The following RHOT1 variants were observed in gnomAD, a reference collection of about 807,000 sequenced individuals.
RHOT1 encodes mitochondrial Rho GTPase 1.
RHOT1 carries 27 observed loss-of-function variants against 95.3 expected under a neutral mutation model. That is an observed-to-expected ratio of 0.28 (90% confidence interval 0.21 to 0.39). RHOT1 has a LOEUF of 0.39. Ranked by LOEUF, RHOT1 falls within the 10% of genes least tolerant of loss-of-function variation. The pLI, the probability that RHOT1 is intolerant of heterozygous loss-of-function variation, is 1.00. For missense variants in RHOT1, 578 were observed against 786.7 expected (o/e 0.73, Z 3.17); for synonymous variants, 227 against 263.5 (o/e 0.86, Z 1.34).
At chr17:32,166,312 T>C (rs1015142542) in intron 1 of RHOT1, among the ~76,000 whole-genome samples, 3 of 152,144 alleles carry the variant, frequency 2.0e-5, no homozygotes, top group Non-Finnish European at 4.4e-5. Context: ...CTAATGATCA[T>C]CTGAGCCTTC....
At chr17:32,146,602 C>A (rs932956687) in intron 1 of RHOT1, among the ~76,000 whole-genome samples, 1 of 148,966 alleles carries the variant, frequency 6.7e-6, no homozygotes, top group Non-Finnish European at 1.5e-5. Flanking sequence ...CCCACCACCA[C>A]GCCCGGCTAA....
chr17:32,161,188 A>G (rs1239205536), intron 1 of RHOT1, among the ~76,000 whole-genome samples: 1 of 152,112 alleles, frequency 6.6e-6, no homozygotes, highest in East Asian at 1.9e-4. Context: ...TTTTTCAAGG[A>G]TAGTTTGGTG....
intron 8 of RHOT1, among the ~76,000 whole-genome samples, chr17:32,190,768 A>G (rs1002415930): frequency 6.6e-6 from 1 of 152,176 alleles, no homozygotes. Context: ...TAGTCCATTT[A>G]GTACTCTTTT....
intron 8 of RHOT1, 105 bp from the exon 9 acceptor site, chr17:32,192,096 A>G: frequency 1.6e-5 from 10 of 642,422 alleles, no homozygotes; most frequent in Non-Finnish European, 2.4e-5. Flanking sequence ...TCATTTTTCC[A>G]TGTTGGTTGT....
Position 32,193,624 on chromosome 17 carries a change from G to A in RHOT1, c.749-363G>A, listed in dbSNP as rs182329560. Among the ~76,000 whole-genome samples, 1,173 of 152,286 alleles carry A rather than the reference G, an allele frequency of 7.7e-3. 17 individuals carry two copies. Among genetic ancestry groups the A allele is most frequent in the African/African-American group, 0.027 (1,111 of 41,546 alleles). Reference sequence around the variant, plus strand: ...TTACCAGTATAGAATGTTCCCTGGAGAATATATTATAGAGGCACAGTGAAG... The same window carrying A: ...TTACCAGTATAGAATGTTCCCTGGAAAATATATTATAGAGGCACAGTGAAG... On this transcript the variant is annotated intron_variant, in intron 10 of 19. Transcript: ENST00000545287.
At chr17:32,146,689 A>C (rs1306182612) in intron 1 of RHOT1, among the ~76,000 whole-genome samples, 8 of 144,436 alleles carry the variant, frequency 5.5e-5, no homozygotes, top group Non-Finnish European at 7.5e-5. Context: ...CGATCTCCTG[A>C]CTTCATGATC....
intron 16 of RHOT1, among the ~76,000 whole-genome samples, 181 bp downstream of exon 16, chr17:32,204,154 G>A (rs530640621): frequency 4.6e-5 from 7 of 152,072 alleles, no homozygotes; most frequent in African/African-American, 1.7e-4. Flanking sequence ...TCTTGGGCTC[G>A]AGGGATCTCC....
chr17:32,182,738 T>C lies in RHOT1; in HGVS notation c.330-19T>C, dbSNP rs750045242. ...ATGTCTTTTGCCTTCCTTATTACAATGTGCCCTGTTTATTTTAGGCTGCCT... is the reference window on the plus strand; with the variant it reads ...ATGTCTTTTGCCTTCCTTATTACAACGTGCCCTGTTTATTTTAGGCTGCCT... On this transcript the variant is annotated intron_variant, in intron 6 of 19. Transcript: ENST00000545287. 1.5e-6 allele frequency: 2 copies of C among 1,368,198 alleles called. No homozygotes were observed. Among genetic ancestry groups the C allele is most frequent in the South Asian group, 1.3e-5 (1 of 79,860 alleles). The allele number at this position is 1,368,198 out of a possible 1,614,324, so 84.8% of individuals were successfully genotyped here. A position where few individuals can be genotyped will look rare whatever the true frequency, so the allele number is the denominator to read the frequency against.
At chr17:32,183,886 A>G (rs560804961) in intron 8 of RHOT1, among the ~76,000 whole-genome samples, 6 of 152,204 alleles carry the variant, frequency 3.9e-5, no homozygotes, top group African/African-American at 1.4e-4. Flanking sequence ...GGGTTTCACC[A>G]TATTGCCCAG....
intron 16 of RHOT1, among the ~76,000 whole-genome samples, chr17:32,204,333 C>T (rs892500414): frequency 6.6e-6 from 1 of 151,868 alleles, no homozygotes; most frequent in African/African-American, 2.4e-5. Flanking sequence ...GGCGGATCAC[C>T]TGAGGTCGGG....
intron 1 of RHOT1, among the ~76,000 whole-genome samples, chr17:32,165,840 A>G (rs2034025656): frequency 6.6e-6 from 1 of 152,146 alleles, no homozygotes; most frequent in African/African-American, 2.4e-5. Context: ...GTTCTACACT[A>G]CCACAGTAAA....
At chr17:32,159,038 C>A (rs1342279132) in intron 1 of RHOT1, among the ~76,000 whole-genome samples, 4 of 152,152 alleles carry the variant, frequency 2.6e-5, no homozygotes, top group Non-Finnish European at 5.9e-5. Context: ...CATGGCTGGG[C>A]AGGACCTGCT....
intron 1 of RHOT1, among the ~76,000 whole-genome samples, chr17:32,169,474 T>A (rs929383682): frequency 2.0e-5 from 3 of 152,208 alleles, no homozygotes; most frequent in African/African-American, 7.2e-5. Flanking sequence ...GGAGACTTTC[T>A]TTGCTTTTAC....
At chr17:32,156,118 C>A (rs139859236) in intron 1 of RHOT1, among the ~76,000 whole-genome samples, 38 of 152,326 alleles carry the variant, frequency 2.5e-4, no homozygotes, top group Non-Finnish European at 5.1e-4. Context: ...ATTCCGGGAC[C>A]CAACATTGGC....
In RHOT1 at chr17:32,182,842, A is replaced by G; in HGVS notation, c.415A>G (p.Thr139Ala). 1 of 1,585,486 alleles carries G rather than the reference A, an allele frequency of 6.3e-7. No individual in the cohort carries two copies. Among genetic ancestry groups the G allele is most frequent in the East Asian group, 2.2e-5 (1 of 44,654 alleles). Residue 139 changes from threonine to alanine, a missense_variant, in exon 7 of 20, where the codon ACA (threonine) becomes GCA (alanine). By Grantham distance (58) the Thr-to-Ala change is moderately conservative. Coordinates refer to ENST00000545287, the MANE Select transcript of RHOT1 (RefSeq NM_001033566.3). ...ETILPIMNQY[T>A]EIETCVECSA... ...CATCCTTCCTATTATGAACCAGTATACAGAAATAGAAACCTGTGTGGAGGT... is the reference window on the plus strand; with the variant it reads ...CATCCTTCCTATTATGAACCAGTATGCAGAAATAGAAACCTGTGTGGAGGT...
At chr17:32,173,203 A>G (rs1370575169) in intron 2 of RHOT1, 1 of 152,266 alleles carries the variant, frequency 6.6e-6, no homozygotes, top group South Asian at 2.1e-4. Flanking sequence ...TATACAACAA[A>G]TGGGTATTGG....
In RHOT1 at chr17:32,224,692, T is replaced by C; in HGVS notation, c.1939T>C (p.Leu647=). 3.1e-6 allele frequency: 5 copies of C among 1,613,706 alleles called. No individual in the cohort carries two copies. Among genetic ancestry groups the C allele is most frequent in the Non-Finnish European group, 4.2e-6 (5 of 1,179,738 alleles). Residue 647 remains leucine (L), a synonymous_variant, in exon 20 of 20, where the codon TTG becomes CTG. Coordinates refer to ENST00000545287, the MANE Select transcript of RHOT1 (RefSeq NM_001033566.3). ...TTTTGGTGCTACTGTTTTTGCAGTT[T>C]TGGGCTTTGCTATGTACAAAGCATT... ...ASFGATVFAV[L]GFAMYKALLK...
At chr17:32,174,227 C>T (rs1160189551) in intron 3 of RHOT1, among the ~76,000 whole-genome samples, 1 of 151,988 alleles carries the variant, frequency 6.6e-6, no homozygotes, top group Non-Finnish European at 1.5e-5. Flanking sequence ...ATTTTGAAGA[C>T]TTAGTATGAA....
Position 32,183,188 on chromosome 17 carries a change from G to C in RHOT1, c.456G>C (p.Leu152=). The change falls in exon 8 of 20, where the codon CTG becomes CTC. Residue 152 remains leucine (L), a synonymous_variant. Transcript: ENST00000545287. The part of the protein sequence containing the change: ...ETCVECSAKN[L]KNISELFYYA... ...TTTTTCAGTGTTCAGCGAAAAACCTGAAGAACATATCAGAGCTCTTTTATT... is the reference window on the plus strand; with the variant it reads ...TTTTTCAGTGTTCAGCGAAAAACCTCAAGAACATATCAGAGCTCTTTTATT... The C allele has an allele frequency of 6.3e-7, 1 of 1,582,822 alleles. No homozygotes were observed. The highest frequency in any genetic ancestry group is 1.7e-5 in the Admixed American group (1 of 57,548).
Sources: gnomAD v4.1 joint callset for allele counts (sites outside exome capture counted in the v4.1 genomes callset) on GRCh38, gnomAD v4.1.1 for gene constraint, MANE v1.5 for transcripts, NCBI Gene and HGNC (gene_info 2026-07-23, HGNC 2026-07-21) for gene names.